ASTN1: variants seen among roughly 807,000 people sequenced by gnomAD.
ASTN1 encodes astrotactin-1.
In ASTN1, 41 loss-of-function variants were observed where a neutral mutation model predicts 140.7. That is an observed-to-expected ratio of 0.29 (90% CI 0.23 to 0.38). The LOEUF (loss-of-function observed/expected upper bound fraction) is 0.38, where lower values mean the gene tolerates loss of function less well. Among genes scored for constraint, ASTN1 ranks in the 10% least tolerant of loss-of-function variants. ASTN1 has a pLI of 1.00. For synonymous variants in ASTN1, 640 were observed against 652.2 expected, an observed-to-expected ratio of 0.98 and a Z score of 0.29; for missense variants, 1,479 against 1,678.8, an observed-to-expected ratio of 0.88 and a Z score of 2.08.
intron 1 of ASTN1, among the ~76,000 whole-genome samples, chr1:177,087,244 C>T (rs1048831598): frequency 1.3e-5 from 2 of 152,118 alleles, no homozygotes; most frequent in African/African-American, 4.8e-5. Flanking sequence ...GGGTCAGGCA[C>T]CAAGAAGCAC....
chr1:176,963,069 T>G (rs1255122067), intron 9 of ASTN1, among the ~76,000 whole-genome samples: 8 of 152,194 alleles, frequency 5.3e-5, no homozygotes, highest in African/African-American at 1.9e-4. Flanking sequence ...GAGTGGGAGA[T>G]ATTCAATTTA....
At chr1:176,897,058 C>G (rs769841127) in intron 16 of ASTN1, among the ~76,000 whole-genome samples, 1 of 152,070 alleles carries the variant, frequency 6.6e-6, no homozygotes, top group Non-Finnish European at 1.5e-5. Context: ...GGGTGGATCA[C>G]GAAGTCAAGA....
At chr1:177,018,704 T>C (rs989041853) in intron 7 of ASTN1, among the ~76,000 whole-genome samples, 3 of 152,174 alleles carry the variant, frequency 2.0e-5, no homozygotes, top group Non-Finnish European at 2.9e-5. Flanking sequence ...GCTGTCCATA[T>C]GGCAGAATGA....
chr1:176,938,389 A>T (rs1353896688), intron 14 of ASTN1, among the ~76,000 whole-genome samples: 1 of 152,240 alleles, frequency 6.6e-6, no homozygotes, highest in Non-Finnish European at 1.5e-5. Context: ...AAAAATAACA[A>T]GCCCACTAAA....
chr1:176,945,947 T>C lies in ASTN1; in HGVS notation c.2228A>G (p.Gln743Arg), dbSNP rs1216057410. ...NNHSKEVAAG[Q>R]VLKGTFRQNN... is the part of the protein sequence containing the mutation. ...TTACCTGAATGTTCCTTTCAGCACC[T>C]GTCCGGCAGCCACTTCCTTGGAATG... is the stretch of plus-strand genomic sequence containing the variant. Residue 743 changes from glutamine (Q) to arginine (R), a missense_variant, in exon 13 of 23, where the codon CAG becomes CGG. Gln to Arg is a conservative substitution (Grantham distance 43). This residue lies in a region of ASTN1 where 746 missense variants were observed against 800.9 expected (regional missense o/e 0.93). Coordinates refer to ENST00000361833, the MANE Select transcript of ASTN1 (RefSeq NM_004319.3). The C allele has an allele frequency of 1.9e-6, 3 of 1,612,196 alleles. No individual in the cohort carries two copies. The highest frequency in any genetic ancestry group is 2.2e-5 in the East Asian group (1 of 44,854).
Position 177,164,688 on chromosome 1 carries a change from G to A in ASTN1, c.-12C>T. 3 of 1,545,698 alleles carry A rather than the reference G, an allele frequency of 1.9e-6. No homozygotes were observed. Among genetic ancestry groups the A allele is most frequent in the Non-Finnish European group, 8.7e-7 (1 of 1,148,004 alleles). The stretch of plus-strand genomic sequence containing the variant: ...CCGGCTAAAGCCATCTTGAGCCCCG[G>A]CCGCCTTCCTCCTAGCGCTGCGATG... On this transcript the variant is annotated 5_prime_UTR_variant, in exon 1 of 23. Transcript: ENST00000361833.
chr1:176,989,413 A>G (rs978112663), intron 8 of ASTN1, among the ~76,000 whole-genome samples: 1 of 152,232 alleles, frequency 6.6e-6, no homozygotes, highest in African/African-American at 2.4e-5. Flanking sequence ...AAAAGAGCCA[A>G]TTAAGCTTCG....
chr1:176,881,166 G>A (rs1668782820), intron 20 of ASTN1, among the ~76,000 whole-genome samples: 1 of 152,182 alleles, frequency 6.6e-6, no homozygotes, highest in South Asian at 2.1e-4. Flanking sequence ...CTCTTCTTGT[G>A]ATCTGCAGCG....
chr1:176,996,714 A>G (rs983121146), intron 8 of ASTN1, among the ~76,000 whole-genome samples: 3 of 152,182 alleles, frequency 2.0e-5, no homozygotes, highest in Non-Finnish European at 4.4e-5. Context: ...GTTGCTGGGA[A>G]ACAGAGTCTT....
chr1:177,124,281 C>A (rs751733222), intron 1 of ASTN1, among the ~76,000 whole-genome samples: 6 of 152,186 alleles, frequency 3.9e-5, no homozygotes, highest in Non-Finnish European at 5.9e-5. Context: ...ATATTTTCAT[C>A]TCATTTCATC....
intron 8 of ASTN1, among the ~76,000 whole-genome samples, chr1:176,977,155 G>T (rs1261835903): frequency 1.3e-5 from 2 of 152,092 alleles, no homozygotes; most frequent in Admixed American, 1.3e-4. Flanking sequence ...AGGAAACCGG[G>T]GAAGAATAAA....
chr1:176,873,294 C>A (rs1269417698), intron 21 of ASTN1, among the ~76,000 whole-genome samples: 1 of 152,158 alleles, frequency 6.6e-6, no homozygotes, highest in Non-Finnish European at 1.5e-5. Context: ...CATGGCCTGA[C>A]CTAGAGTCTA....
At chr1:177,017,757 G>A (rs966912841) in intron 7 of ASTN1, among the ~76,000 whole-genome samples, 1 of 152,042 alleles carries the variant, frequency 6.6e-6, no homozygotes, top group Non-Finnish European at 1.5e-5. Context: ...GGCCCTGAAA[G>A]GTAGTTGGTG....
At chr1:176,870,063 G>A (rs1668276475) in intron 21 of ASTN1, among the ~76,000 whole-genome samples, 1 of 152,150 alleles carries the variant, frequency 6.6e-6, no homozygotes, top group African/African-American at 2.4e-5. Context: ...TTGGTGATGT[G>A]GCAAAGTGGA....
At chr1:177,009,294 CA>C in intron 8 of ASTN1, among the ~76,000 whole-genome samples, 1 of 152,280 alleles carries the variant, frequency 6.6e-6, no homozygotes, top group East Asian at 1.9e-4. Context: ...AACTCAGAGG[CA>C]AAGGTATCCT....
At chr1:176,950,145 C>T (rs1053294074) in intron 11 of ASTN1, among the ~76,000 whole-genome samples, 1 of 152,208 alleles carries the variant, frequency 6.6e-6, no homozygotes, top group Non-Finnish European at 1.5e-5. Context: ...GACAAAAGGA[C>T]TTGGTGAGCA....
chr1:177,075,351 C>T (rs1678836149), intron 1 of ASTN1, among the ~76,000 whole-genome samples: 1 of 151,372 alleles, frequency 6.6e-6, no homozygotes, highest in Non-Finnish European at 1.5e-5. Flanking sequence ...GGATTACAGG[C>T]ATGAGCCACT....
At position 177,060,357 on chromosome 1, in the gene ASTN1, C is replaced by T. The variant is rs143806158; in HGVS notation, c.471+721G>A. Among the ~76,000 whole-genome samples, 214 of 152,308 alleles carry T rather than the reference C, an allele frequency of 1.4e-3. 2 individuals carry two copies. Among genetic ancestry groups the T allele is most frequent in the African/African-American group, 5.1e-3 (210 of 41,572 alleles). On this transcript the variant is annotated intron_variant, in intron 2 of 22. Coordinates refer to ENST00000361833, the MANE Select transcript of ASTN1 (RefSeq NM_004319.3). ...AGAGGAGAGAAAGCCAGTTTACTGG[C>T]TTCCTCCTGGCTGGGAGAAGAGAAA...
chr1:177,119,031 T>C (rs1681244177), intron 1 of ASTN1, among the ~76,000 whole-genome samples: 1 of 152,212 alleles, frequency 6.6e-6, no homozygotes. Context: ...TTTTGTGAGT[T>C]CTTGAATGTC....
Sources: gnomAD v4.1 joint callset for allele counts (sites outside exome capture counted in the v4.1 genomes callset) on GRCh38, gnomAD v4.1.1 for gene constraint, gnomAD v4.1.1 regional missense constraint, MANE v1.5 for transcripts, NCBI Gene and HGNC (gene_info 2026-07-23, HGNC 2026-07-21) for gene names.